Variants in CADM2 observed in about 807,000 individuals in gnomAD.
The protein encoded by CADM2 is cell adhesion molecule 2.
A neutral mutation model predicts 49.8 loss-of-function variants in CADM2; 12 were observed. That is an observed-to-expected ratio of 0.24 (90% CI 0.15 to 0.39). The LOEUF is 0.39. Ranked by LOEUF, CADM2 falls within the 10% of genes least tolerant of loss-of-function variation. The pLI, the probability that CADM2 is intolerant of heterozygous loss-of-function variation, is 1.00. For missense variants in CADM2, 378 were observed against 492.3 expected, an observed-to-expected ratio of 0.77 and a Z score of 2.20; for synonymous variants, 214 against 175.4, an observed-to-expected ratio of 1.22 and a Z score of -1.74.
chr3:85,406,872 T>C (rs974583672), intron 1 of CADM2, among the ~76,000 whole-genome samples: 1 of 152,116 alleles, frequency 6.6e-6, no homozygotes, highest in African/African-American at 2.4e-5. Flanking sequence ...CAATTTACTT[T>C]CTACATAGAA....
chr3:85,539,866 A>C (rs2061502708), intron 1 of CADM2, among the ~76,000 whole-genome samples: 1 of 152,118 alleles, frequency 6.6e-6, no homozygotes, highest in African/African-American at 2.4e-5. Context: ...TCAATTTTTT[A>C]AATACAAAGT....
At chr3:85,529,223 A>G (rs996860756) in intron 1 of CADM2, among the ~76,000 whole-genome samples, 1 of 152,198 alleles carries the variant, frequency 6.6e-6, no homozygotes, top group Non-Finnish European at 1.5e-5. Flanking sequence ...ATTGCACTCT[A>G]TACCTAGCTG....
At chr3:85,989,560 C>A (rs1387425801) in intron 8 of CADM2, among the ~76,000 whole-genome samples, 3 of 152,062 alleles carry the variant, frequency 2.0e-5, no homozygotes, top group Non-Finnish European at 4.4e-5. Context: ...CAGGGCAAAA[C>A]AGGACGAAAG....
Position 84,959,444 on chromosome 3 carries a change from C to T in CADM2, c.-164C>T, listed in dbSNP as rs562625024. ...GGGTGCTTTGCCGCTGCCGCTTCTGCTGCCGCCGATCCGAGTCCGCGGGTT... is the reference window on the plus strand; with the variant it reads ...GGGTGCTTTGCCGCTGCCGCTTCTGTTGCCGCCGATCCGAGTCCGCGGGTT... On this transcript the variant is annotated 5_prime_UTR_variant, in exon 1 of 10. Transcript: ENST00000383699. 19 of 621,680 alleles carry T rather than the reference C, an allele frequency of 3.1e-5. No individual in the cohort carries two copies. The South Asian group carries it at 3.7e-4, about 12-fold the overall frequency. The allele number at this position is 621,680 out of a possible 1,614,324, so 38.5% of individuals were successfully genotyped here. A position where few individuals can be genotyped will look rare whatever the true frequency, so the allele number is the denominator to read the frequency against.
intron 8 of CADM2, among the ~76,000 whole-genome samples, chr3:86,032,648 G>A (rs185662258): frequency 1.4e-4 from 21 of 151,626 alleles, no homozygotes; most frequent in East Asian, 3.9e-4. Flanking sequence ...TAGATAATTC[G>A]GATATGACCA....
At chr3:85,589,148 T>C (rs2063030440) in intron 1 of CADM2, among the ~76,000 whole-genome samples, 1 of 151,926 alleles carries the variant, frequency 6.6e-6, no homozygotes, top group African/African-American at 2.4e-5. Flanking sequence ...CATGTTTGTG[T>C]GTGGGGAGGA....
At chr3:85,374,077 T>G (rs2033443177) in intron 1 of CADM2, among the ~76,000 whole-genome samples, 1 of 151,620 alleles carries the variant, frequency 6.6e-6, no homozygotes, top group Non-Finnish European at 1.5e-5. Context: ...CAGAAAATGT[T>G]TTTTTTTTCT....
At chr3:85,334,308 A>C (rs1272414725) in intron 1 of CADM2, among the ~76,000 whole-genome samples, 1 of 151,594 alleles carries the variant, frequency 6.6e-6, no homozygotes, top group Admixed American at 6.6e-5. Context: ...TCACATCATT[A>C]GTGCTAATGA....
At chr3:85,405,322 G>A (rs2035318644) in intron 1 of CADM2, among the ~76,000 whole-genome samples, 1 of 152,100 alleles carries the variant, frequency 6.6e-6, no homozygotes, top group South Asian at 2.1e-4. Context: ...TCATTACCCT[G>A]TTTCTAACAA....
chr3:85,516,314 A>T (rs536047272), intron 1 of CADM2, among the ~76,000 whole-genome samples: 31 of 152,264 alleles, frequency 2.0e-4, no homozygotes, highest in Non-Finnish European at 3.2e-4. Context: ...TATTTGTTAG[A>T]TTATTTTATT....
intron 1 of CADM2, among the ~76,000 whole-genome samples, chr3:85,393,046 A>T (rs537765168): frequency 6.6e-6 from 1 of 151,480 alleles, no homozygotes; most frequent in Non-Finnish European, 1.5e-5. Context: ...AGTTTGCAGG[A>T]TTAGTTGAAG....
intron 1 of CADM2, among the ~76,000 whole-genome samples, chr3:85,573,904 A>T (rs546830232): frequency 6.6e-6 from 1 of 151,970 alleles, no homozygotes; most frequent in Non-Finnish European, 1.5e-5. Flanking sequence ...ACGGATTGAG[A>T]GTCTATTGTA....
chr3:85,697,250 T>G (rs2066597087), intron 1 of CADM2, among the ~76,000 whole-genome samples: 1 of 151,942 alleles, frequency 6.6e-6, no homozygotes, highest in South Asian at 2.1e-4. Context: ...TTTCAGGAAG[T>G]GTCATGAATC....
At position 85,829,662 on chromosome 3, in the gene CADM2, C is replaced by T. The variant is rs116447583; in HGVS notation, c.238+27466C>T. ...CTGAAAGTTTCTATTCTTTGACTGACATTTCCCCATTTCTTTGCCCCTTTC... is the reference window on the plus strand; with the variant it reads ...CTGAAAGTTTCTATTCTTTGACTGATATTTCCCCATTTCTTTGCCCCTTTC... On this transcript the variant is annotated intron_variant, in intron 3 of 9. Transcript: ENST00000383699. 1.1e-3 allele frequency among the ~76,000 whole-genome samples: 171 copies of T among 152,060 alleles called. 2 individuals are homozygous for T. Among genetic ancestry groups the T allele is most frequent in the African/African-American group, 4.0e-3 (168 of 41,516 alleles).
chr3:85,674,765 A>G (rs1187228267), intron 1 of CADM2, among the ~76,000 whole-genome samples: 1 of 152,114 alleles, frequency 6.6e-6, no homozygotes, highest in East Asian at 1.9e-4. Context: ...AGTTGATCAT[A>G]AAATCTTTCT....
At chr3:85,130,309 A>G (rs1238139071) in intron 1 of CADM2, among the ~76,000 whole-genome samples, 1 of 152,224 alleles carries the variant, frequency 6.6e-6, no homozygotes, top group Non-Finnish European at 1.5e-5. Flanking sequence ...AATATAGTTT[A>G]AAGTGCTAAA....
At chr3:85,365,001 T>A (rs2107294617) in intron 1 of CADM2, among the ~76,000 whole-genome samples, 1 of 152,312 alleles carries the variant, frequency 6.6e-6, no homozygotes, top group Admixed American at 6.5e-5. Context: ...GCAAACATGG[T>A]TAGCATATTT....
At chr3:85,261,976 T>C (rs2043022567) in intron 1 of CADM2, among the ~76,000 whole-genome samples, 1 of 152,094 alleles carries the variant, frequency 6.6e-6, no homozygotes, top group Non-Finnish European at 1.5e-5. Context: ...TAATTCTCTT[T>C]AGGTGAGACA....
intron 1 of CADM2, among the ~76,000 whole-genome samples, chr3:85,515,574 C>T (rs138123043): frequency 1.4e-5 from 2 of 143,564 alleles, no homozygotes; most frequent in Non-Finnish European, 3.0e-5. Flanking sequence ...AGGAGAGTGC[C>T]ACCACGCCCT....
Sources: gnomAD v4.1 joint callset for allele counts (sites outside exome capture counted in the v4.1 genomes callset) on GRCh38, gnomAD v4.1.1 for gene constraint, MANE v1.5 for transcripts, NCBI Gene and HGNC (gene_info 2026-07-23, HGNC 2026-07-21) for gene names.